Variants in TAB2 observed in about 807,000 individuals in gnomAD.
The protein encoded by TAB2 is TGF-beta activated kinase 1 (MAP3K7) binding protein 2, also known as TGF-beta-activated kinase 1 and MAP3K7-binding protein 2.
Under a neutral mutation model 65.0 loss-of-function variants are expected in TAB2, and 3 were observed. The ratio of observed to expected loss-of-function variants is 0.05; its 90% CI spans 0.02 to 0.12. TAB2 has a LOEUF of 0.12. Among genes scored for constraint, TAB2 ranks in the 10% least tolerant of loss-of-function variants. TAB2 has a pLI of 1.00. For missense variants in TAB2, 623 were observed against 840.3 expected, an observed-to-expected ratio of 0.74 and a Z score of 3.20; for synonymous variants, 298 against 285.1, an observed-to-expected ratio of 1.05 and a Z score of -0.46.
At chr6:149,240,690 C>A (rs1777580962) in intron 1 of TAB2, among the ~76,000 whole-genome samples, 1 of 152,004 alleles carries the variant, frequency 6.6e-6, no homozygotes, top group Non-Finnish European at 1.5e-5. Context: ...GTATAATTTG[C>A]ATATAATGAA....
At chr6:149,307,196 G>A (rs1779087815) in intron 1 of TAB2, among the ~76,000 whole-genome samples, 1 of 151,778 alleles carries the variant, frequency 6.6e-6, no homozygotes, top group African/African-American at 2.4e-5. Flanking sequence ...CAAAAGACTG[G>A]GTTGAATTGG....
intron 1 of TAB2, among the ~76,000 whole-genome samples, chr6:149,239,582 GT>G (rs1339370547): frequency 6.6e-6 from 1 of 152,216 alleles, no homozygotes; most frequent in Non-Finnish European, 1.5e-5. Context: ...GTGAGCTTAG[GT>G]ACTGGCAAGA....
intron 1 of TAB2, among the ~76,000 whole-genome samples, chr6:149,319,816 A>G (rs1779376749): frequency 6.6e-6 from 1 of 152,170 alleles, no homozygotes; most frequent in Non-Finnish European, 1.5e-5. Context: ...GTATTCTCTT[A>G]AGGACACTGA....
chr6:149,400,813 TC>T (rs1782360002), intron 6 of TAB2: 1 of 1,013,934 alleles, frequency 9.9e-7, no homozygotes, highest in African/African-American at 1.6e-5. Context: ...TTCTTTTGTT[TC>T]CCCCTTCCAC....
intron 1 of TAB2, among the ~76,000 whole-genome samples, chr6:149,223,526 G>A (rs1777200719): frequency 6.6e-6 from 1 of 152,096 alleles, no homozygotes; most frequent in Non-Finnish European, 1.5e-5. Flanking sequence ...CTAATCTGTT[G>A]GAAAATACTT....
chr6:149,262,400 G>C (rs1778172632), intron 1 of TAB2, among the ~76,000 whole-genome samples: 1 of 152,180 alleles, frequency 6.6e-6, no homozygotes, highest in South Asian at 2.1e-4. Flanking sequence ...GGGCGTGGTG[G>C]TGGGTGCCTG....
intron 6 of TAB2, among the ~76,000 whole-genome samples, chr6:149,400,030 CAA>C (rs1177657258): frequency 1.3e-5 from 2 of 152,086 alleles, no homozygotes. Context: ...TGTCGAATAA[CAA>C]GACAATAAGA....
chr6:149,249,172 A>ACACACACACACACG (rs1562387472), intron 1 of TAB2, among the ~76,000 whole-genome samples: 2 of 7,810 alleles, frequency 2.6e-4, no homozygotes, highest in East Asian at 9.3e-3. Flanking sequence ...ACACACACGC[A>ACACACACACACACG]CACACACACA....
intron 1 of TAB2, among the ~76,000 whole-genome samples, chr6:149,366,815 A>G (rs538559687): frequency 6.6e-6 from 1 of 152,296 alleles, no homozygotes; most frequent in South Asian, 2.1e-4. Context: ...TTTATTAGAA[A>G]AGCAGGCAAG....
At chr6:149,326,849 A>C (rs537002742) in intron 1 of TAB2, among the ~76,000 whole-genome samples, 1 of 152,334 alleles carries the variant, frequency 6.6e-6, no homozygotes, top group African/African-American at 2.4e-5. Context: ...GGAAAAGTCA[A>C]CATGTAGAGT....
intron 1 of TAB2, among the ~76,000 whole-genome samples, chr6:149,266,673 C>T (rs1016030775): frequency 6.6e-6 from 1 of 152,190 alleles, no homozygotes; most frequent in Non-Finnish European, 1.5e-5. Context: ...CAAATTGGTT[C>T]GTGAACCTAG....
chr6:149,359,657 A>G (rs915448641), intron 1 of TAB2, among the ~76,000 whole-genome samples: 2 of 152,222 alleles, frequency 1.3e-5, no homozygotes. Flanking sequence ...TAGTTCTGAT[A>G]ACTATATCTC....
At chr6:149,350,225 C>T (rs955084894) in intron 1 of TAB2, among the ~76,000 whole-genome samples, 2 of 152,116 alleles carry the variant, frequency 1.3e-5, no homozygotes, top group Admixed American at 1.3e-4. Flanking sequence ...AGCCACTGCG[C>T]CCGGCTGGAA....
chr6:149,296,314 C>A (rs189804875), intron 1 of TAB2, among the ~76,000 whole-genome samples: 293 of 152,214 alleles, frequency 1.9e-3, no homozygotes, highest in African/African-American at 6.7e-3. Flanking sequence ...TGGTTCAAAC[C>A]CCACTCTGAG....
chr6:149,400,743 A>G, intron 6 of TAB2: 1 of 1,545,488 alleles, frequency 6.5e-7, no homozygotes, highest in African/African-American at 1.4e-5. Flanking sequence ...CTGCATTCTC[A>G]ATTAGAAAAC....
chr6:149,291,164 T>A (rs1778769418), intron 1 of TAB2, among the ~76,000 whole-genome samples: 1 of 152,222 alleles, frequency 6.6e-6, no homozygotes, highest in Non-Finnish European at 1.5e-5. Flanking sequence ...GAACTCTTGT[T>A]TATTTGGAAT....
intron 1 of TAB2, among the ~76,000 whole-genome samples, chr6:149,346,899 T>A (rs1178218229): frequency 2.6e-5 from 4 of 152,194 alleles, no homozygotes; most frequent in African/African-American, 9.7e-5. Context: ...ATTGGTTCCT[T>A]CAAGTGCTTT....
At position 149,223,452 on chromosome 6, in the gene TAB2, C is replaced by T. The variant is rs144086170; in HGVS notation, c.-121+4676C>T. ...ACCCCTGTGATTTTCCAAATTATAG[C>T]CTGTGTTCTTGCTGTCCATTGTCTT... On this transcript the variant is annotated intron_variant, in intron 1 of 1. Coordinates refer to the TAB2 transcript ENST00000606202. 2.7e-3 allele frequency among the ~76,000 whole-genome samples: 417 copies of T among 152,288 alleles called. 4 individuals are homozygous for T. Among genetic ancestry groups the T allele is most frequent in the African/African-American group, 9.8e-3 (408 of 41,554 alleles).
At chr6:149,290,169 A>G (rs970818051) in intron 1 of TAB2, among the ~76,000 whole-genome samples, 1 of 152,174 alleles carries the variant, frequency 6.6e-6, no homozygotes, top group Admixed American at 6.5e-5. Flanking sequence ...GGCATGTCCA[A>G]CTTCCACTTC....
Sources: gnomAD v4.1 joint callset for allele counts (sites outside exome capture counted in the v4.1 genomes callset) on GRCh38, gnomAD v4.1.1 for gene constraint, MANE v1.5 for transcripts, NCBI Gene and HGNC (gene_info 2026-07-23, HGNC 2026-07-21) for gene names.